The following ACAD11 variants were observed in gnomAD, a reference collection of about 807,000 sequenced individuals.
The protein encoded by ACAD11 is acyl-Coenzyme A dehydrogenase family, member 11.
Under a neutral mutation model 102.2 loss-of-function variants are expected in ACAD11, and 83 were observed. The ratio of observed to expected loss-of-function variants is 0.81; its 90% CI spans 0.68 to 0.97. The LOEUF is 0.97. Among genes scored for constraint, ACAD11 ranks in the 50% least tolerant of loss-of-function variants. The probability of loss-of-function intolerance (pLI) is 0.00; values close to 1 mark genes in which losing one functional copy is unlikely to be tolerated. For missense variants in ACAD11, 901 were observed against 951.7 expected (o/e 0.95, Z 0.70); for synonymous variants, 324 against 319.8 (o/e 1.01, Z -0.14).
At chr3:132,638,611 G>C (rs1309151828) in intron 5 of ACAD11, among the ~76,000 whole-genome samples, 2 of 152,000 alleles carry the variant, frequency 1.3e-5, no homozygotes, top group African/African-American at 4.8e-5. Flanking sequence ...AAGTCTAGTG[G>C]GTTCTAATTT....
intron 5 of ACAD11, among the ~76,000 whole-genome samples, chr3:132,633,275 T>C (rs1940126943): frequency 6.6e-6 from 1 of 152,256 alleles, no homozygotes; most frequent in Admixed American, 6.5e-5. Flanking sequence ...TGAGAGTTTT[T>C]AGCATGAAGG....
At chr3:132,628,775 G>GA (rs1324510028) in intron 7 of ACAD11, among the ~76,000 whole-genome samples, 35 of 152,138 alleles carry the variant, frequency 2.3e-4, no homozygotes, top group African/African-American at 8.2e-4. Flanking sequence ...CATAATGGGG[G>GA]AAAATCTAAA....
chr3:132,573,686 G>A (rs969205565), intron 17 of ACAD11, among the ~76,000 whole-genome samples: 9 of 152,182 alleles, frequency 5.9e-5, no homozygotes, highest in African/African-American at 9.7e-5. Flanking sequence ...AACAGACTTA[G>A]AAGACATTTA....
rs190677456 is a variant in ACAD11, at chr3:132,585,384, A to G, written c.1622-5826T>C. Among the ~76,000 whole-genome samples the G allele has an allele frequency of 3.4e-3, 512 of 152,354 alleles. 2 individuals carry two copies. The highest frequency in any genetic ancestry group is 0.012 in the African/African-American group (488 of 41,590). On this transcript the variant is annotated intron_variant, in intron 13 of 19. Transcript: ENST00000264990. ...ACTTACGTGTTAGACCTAAAACCAT[A>G]AAAACCCTAGAAGAAAACCTAGGCA...
chr3:132,645,065 A>G (rs1414686043), intron 1 of ACAD11, among the ~76,000 whole-genome samples, 169 bp from the exon 2 acceptor site: 1 of 152,238 alleles, frequency 6.6e-6, no homozygotes, highest in Non-Finnish European at 1.5e-5. Flanking sequence ...AGATGATATT[A>G]AAGCAGATGG....
At position 132,613,087 on chromosome 3, in the gene ACAD11, A is replaced by G. The variant is rs1576590271; in HGVS notation, c.1414+5547T>C. 2.0e-5 allele frequency among the ~76,000 whole-genome samples: 3 copies of G among 151,930 alleles called. 1 individual carries two copies. Among genetic ancestry groups the G allele is most frequent in the African/African-American group, 7.3e-5 (3 of 41,228 alleles). On this transcript the variant is annotated intron_variant, in intron 11 of 19. Coordinates refer to ENST00000264990, the MANE Select transcript of ACAD11 (RefSeq NM_032169.5). Reference sequence around the variant, plus strand: ...TCATGTCCTTTGTAGGGACATGGATAAAGCTGGAAACCATCATTCTCAGCA... The same window carrying G: ...TCATGTCCTTTGTAGGGACATGGATGAAGCTGGAAACCATCATTCTCAGCA...
chr3:132,618,914 T>C lies in ACAD11; in HGVS notation c.1276-142A>G, dbSNP rs565074739. 5.5e-6 allele frequency: 4 copies of C among 732,712 alleles called. No individual in the cohort carries two copies. In the East Asian group the frequency reaches 1.0e-4, roughly 19 times the overall value. The allele number at this position is 732,712 out of a possible 1,614,324, so 45.4% of individuals were successfully genotyped here. A position where few individuals can be genotyped will look rare whatever the true frequency, so the allele number is the denominator to read the frequency against. On this transcript the variant is annotated intron_variant, in intron 10 of 19. Coordinates refer to ENST00000264990, the MANE Select transcript of ACAD11 (RefSeq NM_032169.5). ...TTATTTATTTTACTGTATTCTCCAG[T>C]GAGCAAAACCAAGTTCTTATTAATT...
At chr3:132,635,976 A>G (rs1479164298) in intron 5 of ACAD11, among the ~76,000 whole-genome samples, 1 of 152,172 alleles carries the variant, frequency 6.6e-6, no homozygotes, top group East Asian at 1.9e-4. Flanking sequence ...TGCTTTTAAC[A>G]TCCAAAGTAA....
chr3:132,575,791 TTGA>T lies in ACAD11; in HGVS notation c.1979_1981del (p.Phe660_Lys661delinsTer). On this transcript the variant is annotated stop_gained and inframe_deletion, in exon 17 of 20. Coordinates refer to ENST00000264990, the MANE Select transcript of ACAD11 (RefSeq NM_032169.5). LOFTEE classifies it high-confidence loss of function. ...CCTCACATGTGCATACAACTTCTTC[TTGA>T]AAGCTATCCTTTGTGTTGCCCGCTC... The T allele has an allele frequency of 6.2e-7, 1 of 1,614,068 alleles. No individual in the cohort carries two copies. Among genetic ancestry groups the T allele is most frequent in the Non-Finnish European group, 8.5e-7 (1 of 1,179,976 alleles).
At position 132,659,495 on chromosome 3, in the gene ACAD11, G is replaced by C; in HGVS notation, c.149+108C>G. The C allele has an allele frequency of 2.0e-6, 3 of 1,505,916 alleles. No homozygotes were observed. The South Asian group carries it at 3.6e-5, about 18-fold the overall frequency. The allele number at this position is 1,505,916 out of a possible 1,614,324, so 93.3% of individuals were successfully genotyped here. On this transcript the variant is annotated intron_variant, in intron 1 of 19. Transcript: ENST00000264990. ...CTGTAGGGTGCGTCCACTGACTGCAGGAAAAGCAATCAGGGTGGGAGAAAC... is the reference window on the plus strand; with the variant it reads ...CTGTAGGGTGCGTCCACTGACTGCACGAAAAGCAATCAGGGTGGGAGAAAC...
At chr3:132,565,149 A>C (rs1937173596) in intron 17 of ACAD11, among the ~76,000 whole-genome samples, 1 of 152,164 alleles carries the variant, frequency 6.6e-6, no homozygotes, top group Admixed American at 6.5e-5. Context: ...ACCACTCCTC[A>C]CACCAGCAAA....
At chr3:132,588,213 G>A (rs1222475651) in intron 13 of ACAD11, among the ~76,000 whole-genome samples, 2 of 152,030 alleles carry the variant, frequency 1.3e-5, no homozygotes, top group Non-Finnish European at 2.9e-5. Context: ...ATGTATGTAT[G>A]TATGTATGTA....
At chr3:132,603,148 A>G in intron 13 of ACAD11, 81 bp downstream of exon 13, 1 of 1,173,446 alleles carries the variant, frequency 8.5e-7, no homozygotes, top group South Asian at 1.3e-5. Flanking sequence ...ACTGATCACT[A>G]TGTATCATAG....
At chr3:132,609,061 A>G (rs1463765817) in intron 11 of ACAD11, among the ~76,000 whole-genome samples, 1 of 152,252 alleles carries the variant, frequency 6.6e-6, no homozygotes, top group African/African-American at 2.4e-5. Flanking sequence ...TAATGAAATT[A>G]AGGCAGAAAT....
At chr3:132,608,560 T>C (rs1938963761) in intron 11 of ACAD11, among the ~76,000 whole-genome samples, 1 of 151,998 alleles carries the variant, frequency 6.6e-6, no homozygotes, top group African/African-American at 2.4e-5. Flanking sequence ...CATTACATAA[T>C]GGTAAAGGGA....
At position 132,600,294 on chromosome 3, in the gene ACAD11, A is replaced by G. The variant is rs543904253; in HGVS notation, c.1621+2935T>C. The G allele has an allele frequency of 1.5e-5, 16 of 1,054,666 alleles. No homozygotes were observed. In the African/African-American group the frequency reaches 2.6e-4, roughly 17 times the overall value. 65.3% of individuals were successfully genotyped at this position (1,054,666 alleles called of 1,614,324 possible). On this transcript the variant is annotated intron_variant, in intron 13 of 19. Transcript: ENST00000264990. ...CTCACATATGTTACAGCAACAGGCT[A>G]TACTCTAGGGAAAGAACAAAACAGC... is the stretch of plus-strand genomic sequence containing the variant.
Position 132,639,624 on chromosome 3 carries a change from T to G in ACAD11, c.570A>C (p.Ala190=). ...GCATGGCAGGGATGTCCTGATGAGC[T>G]GCAGCTTGATATTGCTTTGTCCAGG... is the stretch of plus-strand genomic sequence containing the variant. ...VSTWTKQYQA[A]AHQDIPAMQQ... The change falls in exon 5 of 20, where the codon GCA becomes GCC. Residue 190 remains alanine (A), a synonymous_variant. Transcript: ENST00000264990. 2 of 1,613,666 alleles carry G rather than the reference T, an allele frequency of 1.2e-6. No individual in the cohort carries two copies. The highest frequency in any genetic ancestry group is 1.7e-6 in the Non-Finnish European group (2 of 1,179,804).
chr3:132,558,178 A>G lies in ACAD11; in HGVS notation c.*793T>C, dbSNP rs1250165884. 6.6e-6 allele frequency: 1 copy of G among 152,134 alleles called. No homozygotes were observed. Among genetic ancestry groups the G allele is most frequent in the Admixed American group, 6.5e-5 (1 of 15,276 alleles). 9.4% of individuals were successfully genotyped at this position (152,134 alleles called of 1,614,324 possible). On this transcript the variant is annotated 3_prime_UTR_variant, in exon 20 of 20. Coordinates refer to ENST00000264990, the MANE Select transcript of ACAD11 (RefSeq NM_032169.5). ...ATAGCCTTTAATTCCTAATGTTCAAAAACAATCCTGTCTTCTAAATCACAA... is the reference window on the plus strand; with the variant it reads ...ATAGCCTTTAATTCCTAATGTTCAAGAACAATCCTGTCTTCTAAATCACAA...
intron 5 of ACAD11, among the ~76,000 whole-genome samples, chr3:132,636,241 T>C (rs981703290): frequency 6.6e-6 from 1 of 152,190 alleles, no homozygotes; most frequent in Non-Finnish European, 1.5e-5. Flanking sequence ...AACATAACTT[T>C]TAGTGGTTGA....
Sources: allele counts gnomAD v4.1 joint callset (sites outside exome capture counted in the v4.1 genomes callset), GRCh38; gene constraint gnomAD v4.1.1; transcripts MANE v1.5; gene names NCBI Gene and HGNC (gene_info 2026-07-23, HGNC 2026-07-21).